Variants in DNAAF9 observed in about 807,000 individuals in gnomAD.
DNAAF9 encodes dynein axonemal assembly factor 9, also known as shulin.
DNAAF9 carries 90 observed loss-of-function variants against 167.0 expected under a neutral mutation model. That is an observed-to-expected ratio of 0.54 (90% CI 0.45 to 0.64). The LOEUF (loss-of-function observed/expected upper bound fraction) is 0.64. Ranked by LOEUF, DNAAF9 falls within the 30% of genes least tolerant of loss-of-function variation. DNAAF9 has a pLI of 0.00. For missense variants in DNAAF9, 1,315 were observed against 1,442.2 expected (o/e 0.91, Z 1.43); for synonymous variants, 491 against 508.8 (o/e 0.96, Z 0.47).
At chr20:3,328,130 T>C (rs1201255031) in intron 12 of DNAAF9, among the ~76,000 whole-genome samples, 1 of 151,796 alleles carries the variant, frequency 6.6e-6, no homozygotes, top group South Asian at 2.1e-4. Flanking sequence ...AGGAGATCAA[T>C]ACACAAGCCA....
intron 21 of DNAAF9, among the ~76,000 whole-genome samples, chr20:3,298,559 A>G (rs1385230463): frequency 1.3e-5 from 2 of 151,882 alleles, no homozygotes; most frequent in Non-Finnish European, 2.9e-5. Context: ...GTCTCAAGTG[A>G]TCCTCCCACC....
Position 3,278,965 on chromosome 20 carries a change from G to C in DNAAF9, c.2613-16C>G. 6.3e-7 allele frequency: 1 copy of C among 1,579,900 alleles called. No individual in the cohort carries two copies. The highest frequency in any genetic ancestry group is 8.7e-7 in the Non-Finnish European group (1 of 1,150,048). On this transcript the variant is annotated splice_polypyrimidine_tract_variant and intron_variant, in intron 28 of 36. Transcript: ENST00000252032. ...AAAGAGAAATCTAGGGGGAAAAAAG[G>C]GGGAAATATTTAAAAACCATTCACC...
intron 10 of DNAAF9, among the ~76,000 whole-genome samples, chr20:3,336,752 A>C (rs2069961236): frequency 6.6e-6 from 1 of 150,722 alleles, no homozygotes; most frequent in African/African-American, 2.4e-5. Flanking sequence ...GGGTTTCGCC[A>C]TGTTGGCCAG....
Position 3,261,152 on chromosome 20 carries a change from C to T in DNAAF9, c.2874-1124G>A, listed in dbSNP as rs570130679. Among the ~76,000 whole-genome samples the T allele has an allele frequency of 2.7e-4, 41 of 152,104 alleles. No individual in the cohort carries two copies. In the East Asian group the frequency reaches 7.0e-3, roughly 26 times the overall value. ...GACATCTCAGGCTCAAGTGATCCTCCCACCTCAGCTTCTTGAGTAGTTGCT... is the reference window on the plus strand; with the variant it reads ...GACATCTCAGGCTCAAGTGATCCTCTCACCTCAGCTTCTTGAGTAGTTGCT... On this transcript the variant is annotated intron_variant, in intron 31 of 36. Transcript: ENST00000252032.
At chr20:3,381,528 G>C in intron 2 of DNAAF9, 30 bp from the exon 3 acceptor site, 1 of 1,606,530 alleles carries the variant, frequency 6.2e-7, no homozygotes, top group Non-Finnish European at 8.5e-7. Flanking sequence ...CTGATCAGCT[G>C]TACCATACTA....
chr20:3,263,960 C>T (rs1413502436), intron 31 of DNAAF9, among the ~76,000 whole-genome samples: 2 of 152,236 alleles, frequency 1.3e-5, no homozygotes, highest in African/African-American at 4.8e-5. Flanking sequence ...GCAGCACACT[C>T]TCTCCTTTGT....
chr20:3,294,993 G>A (rs1396280150), intron 23 of DNAAF9, among the ~76,000 whole-genome samples: 1 of 150,812 alleles, frequency 6.6e-6, no homozygotes, highest in Non-Finnish European at 1.5e-5. Context: ...AGCCTCCCAA[G>A]TAGCTGGGAC....
chr20:3,307,595 T>C (rs556114872), intron 20 of DNAAF9, among the ~76,000 whole-genome samples: 1 of 152,218 alleles, frequency 6.6e-6, no homozygotes, highest in South Asian at 2.1e-4. Flanking sequence ...CCATCCTTGG[T>C]GTCCTTAGTG....
At chr20:3,321,260 C>T (rs1186013637) in intron 16 of DNAAF9, among the ~76,000 whole-genome samples, 1 of 152,188 alleles carries the variant, frequency 6.6e-6, no homozygotes, top group Non-Finnish European at 1.5e-5. Context: ...TAGCTGATTT[C>T]ATCACTGTGT....
Position 3,250,376 on chromosome 20 carries a change from G to C in DNAAF9, c.*2196C>G, listed in dbSNP as rs941684056. The C allele has an allele frequency of 6.6e-6, 1 of 152,238 alleles. No individual in the cohort carries two copies. The highest frequency in any genetic ancestry group is 1.9e-4 in the East Asian group (1 of 5,196). The allele number at this position is 152,238 out of a possible 1,614,324, so 9.4% of individuals were successfully genotyped here. A position where few individuals can be genotyped will look rare whatever the true frequency, so the allele number is the denominator to read the frequency against. ...GTGCCTTATCAGTGGGGCAGAGCAA[G>C]TGGCCCCAGGAATGCCCTTTCGCCA... On this transcript the variant is annotated 3_prime_UTR_variant, in exon 37 of 37. Coordinates refer to ENST00000252032, the MANE Select transcript of DNAAF9 (RefSeq NM_001009984.3).
chr20:3,287,601 C>A, intron 27 of DNAAF9, 31 bp downstream of exon 27: 1 of 1,609,316 alleles, frequency 6.2e-7, no homozygotes, highest in Non-Finnish European at 8.5e-7. Context: ...CACCCTGATT[C>A]GACTGTTTCC....
chr20:3,333,675 C>G (rs1040847192), intron 10 of DNAAF9, among the ~76,000 whole-genome samples: 4 of 141,814 alleles, frequency 2.8e-5, no homozygotes. Flanking sequence ...TCCAATTTTC[C>G]CTTATTAAAG....
chr20:3,353,050 AT>A (rs1478151590), intron 7 of DNAAF9, among the ~76,000 whole-genome samples: 1 of 149,342 alleles, frequency 6.7e-6, no homozygotes, highest in East Asian at 1.9e-4. Flanking sequence ...ATATGTAAAT[AT>A]ATGTATATAT....
chr20:3,369,453 T>C (rs1197039439), intron 6 of DNAAF9, among the ~76,000 whole-genome samples: 2 of 152,010 alleles, frequency 1.3e-5, no homozygotes, highest in Admixed American at 6.6e-5. Context: ...CTCAGCTCAC[T>C]GCAACCCCCA....
chr20:3,293,720 G>C (rs1341296140), intron 25 of DNAAF9, among the ~76,000 whole-genome samples: 1 of 148,456 alleles, frequency 6.7e-6, no homozygotes, highest in African/African-American at 2.5e-5. Flanking sequence ...TGTTTATAAA[G>C]TATCACTTTA....
chr20:3,343,868 C>G, intron 8 of DNAAF9, 137 bp from the exon 9 acceptor site: 2 of 574,626 alleles, frequency 3.5e-6, no homozygotes, highest in Non-Finnish European at 6.1e-6. Context: ...TGCGTGTGTG[C>G]ATGTGCGTGT....
At chr20:3,370,641 C>G (rs1043031838) in intron 6 of DNAAF9, among the ~76,000 whole-genome samples, 1 of 152,144 alleles carries the variant, frequency 6.6e-6, no homozygotes, top group East Asian at 1.9e-4. Flanking sequence ...ATCTCTTGAC[C>G]TCATGATCCA....
chr20:3,289,713 T>C (rs895217410), intron 26 of DNAAF9, among the ~76,000 whole-genome samples: 2 of 152,184 alleles, frequency 1.3e-5, no homozygotes, highest in Middle Eastern at 3.4e-3. Context: ...GGTTTTGCCA[T>C]GTTGTCAAGG....
At chr20:3,330,329 ACCTC>A (rs958669186) in intron 12 of DNAAF9, among the ~76,000 whole-genome samples, 2 of 151,746 alleles carry the variant, frequency 1.3e-5, no homozygotes, top group African/African-American at 4.8e-5. Flanking sequence ...TGAAATCTCG[ACCTC>A]CCAGGCTTAA....
Sources: allele counts gnomAD v4.1 joint callset (sites outside exome capture counted in the v4.1 genomes callset), GRCh38; gene constraint gnomAD v4.1.1; transcripts MANE v1.5; gene names NCBI Gene and HGNC (gene_info 2026-07-23, HGNC 2026-07-21).